The following CACUL1 variants were observed in gnomAD, a reference collection of about 807,000 sequenced individuals.
CACUL1 encodes CDK2 associated cullin domain 1, also known as CDK2-associated and cullin domain-containing protein 1.
A neutral mutation model predicts 45.2 loss-of-function variants in CACUL1; 13 were observed. The ratio of observed to expected loss-of-function variants is 0.29; its 90% CI spans 0.19 to 0.46. The LOEUF (loss-of-function observed/expected upper bound fraction) is 0.46, where lower values mean the gene tolerates loss of function less well. CACUL1 is among the 20% of genes least tolerant of loss of function. The pLI, the probability that CACUL1 is intolerant of heterozygous loss-of-function variation, is 1.00. For missense variants in CACUL1, 421 were observed against 471.4 expected, an observed-to-expected ratio of 0.89 and a Z score of 0.99; for synonymous variants, 197 against 174.2, an observed-to-expected ratio of 1.13 and a Z score of -1.03.
intron 7 of CACUL1, 66 bp downstream of exon 7, chr10:118,691,199 T>G: frequency 7.1e-7 from 1 of 1,418,042 alleles, no homozygotes; most frequent in Non-Finnish European, 9.7e-7. Flanking sequence ...ATTTCTCCCA[T>G]GTCAAGCCAG....
At chr10:118,734,328 A>T (rs1028638696) in intron 1 of CACUL1, among the ~76,000 whole-genome samples, 1 of 152,226 alleles carries the variant, frequency 6.6e-6, no homozygotes, top group Non-Finnish European at 1.5e-5. Flanking sequence ...ACGTGGCTAA[A>T]GAGTATATAC....
chr10:118,745,303 A>C (rs1226973601), intron 1 of CACUL1, among the ~76,000 whole-genome samples: 1 of 152,190 alleles, frequency 6.6e-6, no homozygotes, highest in African/African-American at 2.4e-5. Flanking sequence ...CATGACTGTA[A>C]TCCTAGCACT....
Position 118,701,343 on chromosome 10 carries a change from C to A in CACUL1, c.759G>T (p.Thr253=). 6.4e-7 allele frequency: 1 copy of A among 1,574,314 alleles called. No individual in the cohort carries two copies. The highest frequency in any genetic ancestry group is 8.7e-7 in the Non-Finnish European group (1 of 1,151,104). The change falls in exon 5 of 9, where the codon ACG becomes ACT. Residue 253 remains threonine, a synonymous_variant. Transcript: ENST00000369151. ...DLKDDLIKLF[T]EHVAEKHIYS... ...AAATGTGCTTTTCTGCAACATGTTCCGTAAACAGCTTTATAAGGTCATCTT... is the reference window on the plus strand; with the variant it reads ...AAATGTGCTTTTCTGCAACATGTTCAGTAAACAGCTTTATAAGGTCATCTT...
rs573547387 is a variant in CACUL1, at chr10:118,686,464, G to C, written c.1069+134C>G. On this transcript the variant is annotated intron_variant, in intron 8 of 8. Transcript: ENST00000369151. Reference sequence around the variant, plus strand: ...GCTGCCACAGCATGCAAAGCATCCTGACCTTGATTACAAGCAGTGCCTTAT... The same window carrying C: ...GCTGCCACAGCATGCAAAGCATCCTCACCTTGATTACAAGCAGTGCCTTAT... 101 of 777,608 alleles carry C rather than the reference G, an allele frequency of 1.3e-4. No individual in the cohort carries two copies. The African/African-American group carries it at 1.6e-3, about 12-fold the overall frequency. The allele number at this position is 777,608 out of a possible 1,614,324, so 48.2% of individuals were successfully genotyped here. A position where few individuals can be genotyped will look rare whatever the true frequency, so the allele number is the denominator to read the frequency against.
intron 3 of CACUL1, among the ~76,000 whole-genome samples, chr10:118,713,262 G>C (rs949857668): frequency 3.9e-5 from 6 of 152,222 alleles, no homozygotes; most frequent in African/African-American, 1.4e-4. Flanking sequence ...GGAGAAGCCA[G>C]GCAGTAGTAA....
chr10:118,741,964 TC>T (rs1461387629), intron 1 of CACUL1, among the ~76,000 whole-genome samples: 1 of 152,126 alleles, frequency 6.6e-6, no homozygotes, highest in Non-Finnish European at 1.5e-5. Context: ...AGCTTCCCCA[TC>T]CCCACCCCCT....
intron 6 of CACUL1, among the ~76,000 whole-genome samples, chr10:118,694,282 T>C (rs1297150856): frequency 6.6e-6 from 1 of 152,218 alleles, no homozygotes. Context: ...TTAATTAAAA[T>C]AACCATTAAA....
intron 1 of CACUL1, among the ~76,000 whole-genome samples, chr10:118,734,655 A>C (rs1046092111): frequency 6.6e-6 from 1 of 152,254 alleles, no homozygotes; most frequent in Non-Finnish European, 1.5e-5. Context: ...TTTATTGAAC[A>C]GCAGAATGTG....
rs556006714 is a variant in CACUL1, at chr10:118,717,962, G to A, written c.598-10375C>T. 2.0e-5 allele frequency among the ~76,000 whole-genome samples: 3 copies of A among 152,212 alleles called. No individual in the cohort carries two copies. In the East Asian group the frequency reaches 5.8e-4, roughly 29 times the overall value. Reference sequence around the variant, plus strand: ...CATGGGGTCCTCCATGACAAAAAAAGGTGGTGATTAACTGCCAATGGAAGA... The same window carrying A: ...CATGGGGTCCTCCATGACAAAAAAAAGTGGTGATTAACTGCCAATGGAAGA... On this transcript the variant is annotated intron_variant, in intron 3 of 8. Transcript: ENST00000369151.
chr10:118,679,202 A>G lies in CACUL1; in HGVS notation c.*6926T>C, dbSNP rs1011005026. ...CTAAAAGCAGGTACCACCACGCCCAACTTTTTTTGTGTTTTTTTGAGACAG... is the reference window on the plus strand; with the variant it reads ...CTAAAAGCAGGTACCACCACGCCCAGCTTTTTTTGTGTTTTTTTGAGACAG... On this transcript the variant is annotated 3_prime_UTR_variant, in exon 9 of 9. Coordinates refer to ENST00000369151, the MANE Select transcript of CACUL1 (RefSeq NM_153810.5). The G allele has an allele frequency of 6.6e-6, 1 of 151,400 alleles. No homozygotes were observed. Among genetic ancestry groups the G allele is most frequent in the Non-Finnish European group, 1.5e-5 (1 of 67,860 alleles). The allele number at this position is 151,400 out of a possible 1,614,324, so 9.4% of individuals were successfully genotyped here. A position where few individuals can be genotyped will look rare whatever the true frequency, so the allele number is the denominator to read the frequency against.
In CACUL1 at chr10:118,743,487, A is replaced by G. The variant is rs1321989534; in HGVS notation, c.367+10909T>C. ...TATACACACATTTATTAAAGAAACAATAAGGCCGGGTGCAGTGGCTCACCT... is the reference window on the plus strand; with the variant it reads ...TATACACACATTTATTAAAGAAACAGTAAGGCCGGGTGCAGTGGCTCACCT... On this transcript the variant is annotated intron_variant, in intron 1 of 8. Coordinates refer to ENST00000369151, the MANE Select transcript of CACUL1 (RefSeq NM_153810.5). Among the ~76,000 whole-genome samples, 12 of 152,254 alleles carry G rather than the reference A, an allele frequency of 7.9e-5. No homozygotes were observed. The South Asian group carries it at 2.5e-3, about 32-fold the overall frequency.
At chr10:118,716,216 AGC>A (rs1453175792) in intron 3 of CACUL1, among the ~76,000 whole-genome samples, 2 of 151,468 alleles carry the variant, frequency 1.3e-5, no homozygotes, top group Non-Finnish European at 2.9e-5. Context: ...TGGGCGACAG[AGC>A]AAGACTCCGT....
At chr10:118,694,539 G>A (rs1462980240) in intron 6 of CACUL1, among the ~76,000 whole-genome samples, 1 of 152,188 alleles carries the variant, frequency 6.6e-6, no homozygotes, top group Non-Finnish European at 1.5e-5. Context: ...ACAACTCTAT[G>A]ACAAGTTTGA....
rs1845138418 is a variant in CACUL1 at position 118,680,033 on chromosome 10, A to C, written c.*6095T>G. 1 of 152,078 alleles carries C rather than the reference A, an allele frequency of 6.6e-6. No individual in the cohort carries two copies. The highest frequency in any genetic ancestry group is 1.5e-5 in the Non-Finnish European group (1 of 68,006). The allele number at this position is 152,078 out of a possible 1,614,324, so 9.4% of individuals were successfully genotyped here. A position where few individuals can be genotyped will look rare whatever the true frequency, so the allele number is the denominator to read the frequency against. On this transcript the variant is annotated 3_prime_UTR_variant, in exon 9 of 9. Transcript: ENST00000369151. Reference sequence around the variant, plus strand: ...TTATGCCCTTCTGGCTTAACAATTTAGGGAGGGAGAGGGCTTAATAAAGGA... The same window carrying C: ...TTATGCCCTTCTGGCTTAACAATTTCGGGAGGGAGAGGGCTTAATAAAGGA...
At chr10:118,743,301 T>A (rs368147818) in intron 1 of CACUL1, among the ~76,000 whole-genome samples, 67 of 151,520 alleles carry the variant, frequency 4.4e-4, no homozygotes, top group African/African-American at 1.6e-3. Flanking sequence ...TGACAAAAAA[T>A]AATGAATAAT....
At position 118,686,841 on chromosome 10, in the gene CACUL1, T is replaced by C. The variant is rs530355963; in HGVS notation, c.1026-200A>G. 162 of 560,988 alleles carry C rather than the reference T, an allele frequency of 2.9e-4. 9 individuals carry two copies. The South Asian group carries it at 3.9e-3, about 13-fold the overall frequency. 34.8% of individuals were successfully genotyped at this position (560,988 alleles called of 1,614,324 possible). On this transcript the variant is annotated intron_variant, in intron 7 of 8. Transcript: ENST00000369151. ...GGAAGAACATGAGCCTTTACCTGTA[T>C]TAACCAGTTCATCCTCAAACACCTA...
intron 3 of CACUL1, among the ~76,000 whole-genome samples, chr10:118,714,670 C>T (rs975817412): frequency 7.2e-5 from 11 of 152,126 alleles, no homozygotes; most frequent in African/African-American, 2.7e-4. Context: ...AAAATTCATA[C>T]AATCACATAA....
chr10:118,729,447 TAACTC>T (rs748632946), intron 2 of CACUL1, 50 bp from the exon 3 acceptor site: 5 of 1,325,500 alleles, frequency 3.8e-6, no homozygotes, highest in East Asian at 2.3e-5. Flanking sequence ...ATAAAGCACT[TAACTC>T]AGTCCAAGGT....
chr10:118,732,891 G>A (rs1589616072), intron 1 of CACUL1, among the ~76,000 whole-genome samples: 1 of 152,284 alleles, frequency 6.6e-6, no homozygotes, highest in East Asian at 1.9e-4. Flanking sequence ...TTCTCACTGT[G>A]TGATTCTGAG....
Sources: allele counts gnomAD v4.1 joint callset (sites outside exome capture counted in the v4.1 genomes callset), GRCh38; gene constraint gnomAD v4.1.1; transcripts MANE v1.5; gene names NCBI Gene and HGNC (gene_info 2026-07-23, HGNC 2026-07-21).